MACROD2: variants seen among roughly 807,000 people sequenced by gnomAD.
MACROD2 encodes the protein mono-ADP ribosylhydrolase 2.
Under a neutral mutation model 70.4 loss-of-function variants are expected in MACROD2, and 36 were observed. The observed-to-expected ratio is 0.51, with a 90% CI of 0.39 to 0.68. MACROD2 has a LOEUF of 0.68. Among genes scored for constraint, MACROD2 ranks in the 30% least tolerant of loss-of-function variants. The pLI is 0.00. For missense variants in MACROD2, 496 were observed against 538.4 expected (o/e 0.92, Z 0.78); for synonymous variants, 172 against 178.8 (o/e 0.96, Z 0.30).
chr20:15,748,572 G>T (rs1200826324), intron 8 of MACROD2, among the ~76,000 whole-genome samples: 1 of 151,980 alleles, frequency 6.6e-6, no homozygotes, highest in Admixed American at 6.6e-5. Flanking sequence ...TCCCACCTTG[G>T]GTAGGCCATG....
Position 14,230,654 on chromosome 20 carries a change from T to TATATATATATATATAAAAAA in MACROD2, c.271+144927_271+144928insTATATATATATATAAAAAAA. On this transcript the variant is annotated intron_variant, in intron 3 of 17. Transcript: ENST00000684519. ...GTTTATATATATATATATATATATA[T>TATATATATATATATAAAAAA]AACACAGGCTGGGCCTATATATATA... 2.5e-3 allele frequency among the ~76,000 whole-genome samples: 183 copies of TATATATATATATATAAAAAA among 74,202 alleles called. 14 individuals are homozygous for TATATATATATATATAAAAAA. The highest frequency in any genetic ancestry group is 0.011 in the African/African-American group (168 of 14,784). 48.7% of individuals were successfully genotyped at this position (74,202 alleles called of 152,430 possible). A position where few individuals can be genotyped will look rare whatever the true frequency, so the allele number is the denominator to read the frequency against.
chr20:15,013,625 G>T (rs1027078593), intron 5 of MACROD2, among the ~76,000 whole-genome samples: 4 of 152,122 alleles, frequency 2.6e-5, no homozygotes, highest in Non-Finnish European at 5.9e-5. Flanking sequence ...AACTCTGGAA[G>T]GTCAACCCAT....
At chr20:14,126,559 G>A (rs1185171928) in intron 3 of MACROD2, among the ~76,000 whole-genome samples, 2 of 151,586 alleles carry the variant, frequency 1.3e-5, no homozygotes, top group Non-Finnish European at 2.9e-5. Flanking sequence ...TGGTAACCCT[G>A]TGCTGAGCAA....
chr20:14,398,514 T>C (rs529875646), intron 3 of MACROD2, among the ~76,000 whole-genome samples: 1 of 152,142 alleles, frequency 6.6e-6, no homozygotes, highest in East Asian at 1.9e-4. Context: ...ATGTGGAGCA[T>C]CACTAAAACA....
At chr20:14,624,580 A>C (rs1220142291) in intron 4 of MACROD2, among the ~76,000 whole-genome samples, 1 of 152,188 alleles carries the variant, frequency 6.6e-6, no homozygotes, top group Non-Finnish European at 1.5e-5. Context: ...AAATAACTTT[A>C]GTGTGTGCTA....
chr20:14,790,236 G>A (rs980626214), intron 5 of MACROD2, among the ~76,000 whole-genome samples: 8 of 151,458 alleles, frequency 5.3e-5, no homozygotes, highest in African/African-American at 1.5e-4. Context: ...CTGTGAGCTC[G>A]ATAAATATCA....
At chr20:14,031,849 A>G (rs2053249595) in intron 2 of MACROD2, among the ~76,000 whole-genome samples, 1 of 152,112 alleles carries the variant, frequency 6.6e-6, no homozygotes, top group African/African-American at 2.4e-5. Flanking sequence ...TGTGTCAGAC[A>G]TTGTTCTAAG....
At chr20:15,119,667 G>T (rs1425726859) in intron 5 of MACROD2, among the ~76,000 whole-genome samples, 1 of 152,174 alleles carries the variant, frequency 6.6e-6, no homozygotes, top group East Asian at 1.9e-4. Flanking sequence ...CACATATATA[G>T]CAGTTTTTGA....
At chr20:14,983,616 G>A (rs536583253) in intron 5 of MACROD2, among the ~76,000 whole-genome samples, 17 of 152,212 alleles carry the variant, frequency 1.1e-4, no homozygotes, top group Non-Finnish European at 1.8e-4. Flanking sequence ...GTCTGTCACC[G>A]TGTGAGATGT....
At chr20:15,536,966 C>A in intron 8 of MACROD2, among the ~76,000 whole-genome samples, 1 of 152,094 alleles carries the variant, frequency 6.6e-6, no homozygotes, top group Admixed American at 6.6e-5. Flanking sequence ...TCACCCCTTG[C>A]CCTCTGAGTT....
At chr20:15,745,566 T>C (rs1600834442) in intron 8 of MACROD2, among the ~76,000 whole-genome samples, 2 of 152,192 alleles carry the variant, frequency 1.3e-5, no homozygotes, top group East Asian at 3.8e-4. Flanking sequence ...GGCTTGTCTT[T>C]TCCATTTCTT....
At chr20:15,851,011 G>C (rs573177476) in intron 8 of MACROD2, among the ~76,000 whole-genome samples, 1 of 152,220 alleles carries the variant, frequency 6.6e-6, no homozygotes, top group South Asian at 2.1e-4. Flanking sequence ...CTTCATGTGT[G>C]ATTGGCTGCT....
chr20:14,281,387 G>T (rs1010411568), intron 3 of MACROD2, among the ~76,000 whole-genome samples: 2 of 152,188 alleles, frequency 1.3e-5, no homozygotes, highest in Non-Finnish European at 2.9e-5. Flanking sequence ...AGAAACAGAA[G>T]TAGATTAGTT....
chr20:14,626,209 G>T (rs1984147754), intron 4 of MACROD2, among the ~76,000 whole-genome samples: 1 of 152,034 alleles, frequency 6.6e-6, no homozygotes, highest in African/African-American at 2.4e-5. Context: ...TTGTGGGGGT[G>T]GGCACATTAC....
chr20:14,451,930 T>C (rs904230060), intron 3 of MACROD2, among the ~76,000 whole-genome samples: 1 of 152,168 alleles, frequency 6.6e-6, no homozygotes, highest in African/African-American at 2.4e-5. Flanking sequence ...AATTCTGTGG[T>C]ATATTTATTT....
At chr20:14,617,365 T>G (rs1983543429) in intron 4 of MACROD2, among the ~76,000 whole-genome samples, 1 of 152,134 alleles carries the variant, frequency 6.6e-6, no homozygotes, top group Admixed American at 6.6e-5. Flanking sequence ...ACTGTGATAC[T>G]TCATCACTTG....
intron 5 of MACROD2, among the ~76,000 whole-genome samples, chr20:15,093,358 G>A (rs887427211): frequency 6.6e-6 from 1 of 152,036 alleles, no homozygotes; most frequent in African/African-American, 2.4e-5. Context: ...TTGGTGGGCC[G>A]GGGTCCTTTT....
chr20:15,651,652 AATC>A (rs1229490976), intron 8 of MACROD2, among the ~76,000 whole-genome samples: 8 of 152,198 alleles, frequency 5.3e-5, no homozygotes, highest in Non-Finnish European at 8.8e-5. Flanking sequence ...CTTTCAATCC[AATC>A]ATCCTCCCAT....
intron 15 of MACROD2, among the ~76,000 whole-genome samples, chr20:16,036,989 C>G (rs2067244977): frequency 1.3e-5 from 2 of 152,008 alleles, no homozygotes; most frequent in African/African-American, 2.4e-5. Context: ...ATACTTCCCT[C>G]TGCTCCAGGA....
Sources: allele counts gnomAD v4.1 joint callset (sites outside exome capture counted in the v4.1 genomes callset), GRCh38; gene constraint gnomAD v4.1.1; transcripts MANE v1.5; gene names NCBI Gene and HGNC (gene_info 2026-07-23, HGNC 2026-07-21).